The following USE1 variants were observed in gnomAD, a reference collection of about 807,000 sequenced individuals.
USE1 encodes vesicle transport protein USE1.
In USE1, 32 loss-of-function variants were observed where a neutral mutation model predicts 37.6. The observed-to-expected ratio is 0.85, with a 90% CI of 0.64 to 1.14. The LOEUF (loss-of-function observed/expected upper bound fraction) is 1.14. Ranked by LOEUF, USE1 falls within the 50% of genes most tolerant of loss-of-function variation. The pLI is 0.00. For synonymous variants in USE1, 149 were observed against 137.6 expected (o/e 1.08, Z -0.58); for missense variants, 310 against 332.2 (o/e 0.93, Z 0.52).
At chr19:17,218,565 C>T (rs544877400) in intron 6 of USE1, 174 bp downstream of exon 6, 2 of 728,578 alleles carry the variant, frequency 2.7e-6, no homozygotes, top group Admixed American at 3.2e-5. Flanking sequence ...GTGGCTCACG[C>T]CTGTAATCCC....
At position 17,215,427 on chromosome 19, in the gene USE1, C is replaced by T. The variant is rs756846424; in HGVS notation, c.22C>T (p.Leu8=). The T allele has an allele frequency of 5.1e-6, 8 of 1,561,264 alleles. No homozygotes were observed. The highest frequency in any genetic ancestry group is 1.7e-4 in the Middle Eastern group (1 of 5,962). The change falls in exon 1 of 8, where the codon CTA becomes TTA. Residue 8 remains leucine, a synonymous_variant. Transcript: ENST00000263897. MAASRLE[L]NLVRLLSRCE... is the part of the protein sequence containing the mutation. ...GATAATGGCGGCGTCGAGGCTGGAG[C>T]TAAACCTGGTGCGGCTGCTATCCCG...
intron 2 of USE1, 53 bp downstream of exon 2, chr19:17,215,904 G>A (rs2073286978): frequency 1.3e-6 from 2 of 1,589,936 alleles, no homozygotes; most frequent in Non-Finnish European, 1.7e-6. Flanking sequence ...TGTGCTACTG[G>A]ACATCCCAGT....
At position 17,215,976 on chromosome 19, in the gene USE1, TCTTCCTGC is replaced by T; in HGVS notation, c.153-10_153-3del. ...GACCATGGACAGGTTTTGTTTTTCT[TCTTCCTGC>T]CTTCCAGCAAACCGGCCTCTGAGGT... On this transcript the variant is annotated splice_polypyrimidine_tract_variant and splice_region_variant and intron_variant, in intron 2 of 7. Transcript: ENST00000263897. 6.3e-7 allele frequency: 1 copy of T among 1,593,762 alleles called. No homozygotes were observed.
intron 4 of USE1, among the ~76,000 whole-genome samples, chr19:17,216,850 C>T (rs2073293648): frequency 2.0e-5 from 3 of 152,092 alleles, no homozygotes; most frequent in Non-Finnish European, 4.4e-5. Flanking sequence ...TGGTGGCTCA[C>T]GCCTGTAATC....
In USE1 at chr19:17,219,790, C is replaced by A; in HGVS notation, c.757C>A (p.Arg253=). ...FIFISMILFI[R]IMPKLK The stretch of plus-strand genomic sequence containing the variant: ...CTTCATTAGCATGATCCTCTTCATT[C>A]GAATCATGCCTAAACTCAAATAAAG... Residue 253 remains arginine (R), a synonymous_variant, in exon 8 of 8, where the codon CGA becomes AGA. Coordinates refer to ENST00000263897, the MANE Select transcript of USE1 (RefSeq NM_018467.4). 1 of 1,600,538 alleles carries A rather than the reference C, an allele frequency of 6.2e-7. No homozygotes were observed. Among genetic ancestry groups the A allele is most frequent in the East Asian group, 2.2e-5 (1 of 44,594 alleles).
At chr19:17,215,734 G>A in intron 1 of USE1, 68 bp from the exon 2 acceptor site, 1 of 555,794 alleles carries the variant, frequency 1.8e-6, no homozygotes, top group South Asian at 2.0e-5. Context: ...TGTCGGCCCC[G>A]CCCCCCCGAC....
At chr19:17,218,016 A>C (rs990508874) in intron 5 of USE1, 5 of 347,688 alleles carry the variant, frequency 1.4e-5, no homozygotes, top group Non-Finnish European at 2.8e-5. Context: ...CCTGGGAGGT[A>C]GAGGTTGCAG....
chr19:17,215,928 C>T, intron 2 of USE1, 64 bp from the exon 3 acceptor site: 1 of 1,583,112 alleles, frequency 6.3e-7, no homozygotes, highest in South Asian at 1.1e-5. Context: ...GCTATCCCAG[C>T]TGGGACCCTT....
At chr19:17,215,692 C>A in intron 1 of USE1, 110 bp from the exon 2 acceptor site, 2 of 731,372 alleles carry the variant, frequency 2.7e-6, no homozygotes, top group Non-Finnish European at 4.2e-6. Context: ...CCCCCACTGG[C>A]CCCGCCTCCT....
intron 5 of USE1, chr19:17,217,849 T>C (rs1599440043): frequency 2.7e-6 from 1 of 371,470 alleles, no homozygotes; most frequent in East Asian, 7.2e-5. Context: ...GAGGTGGAGG[T>C]TGCAATGAGC....
Position 17,216,170 on chromosome 19 carries a change from C to T in USE1, c.233C>T (p.Thr78Ile), listed in dbSNP as rs1230282973. Residue 78 changes from threonine (T) to isoleucine (I), a missense_variant and splice_region_variant, in exon 4 of 8, where the codon ACC (threonine) becomes ATC (isoleucine). Physicochemically the swap from Thr to Ile is moderately conservative, Grantham distance 89. Coordinates refer to ENST00000263897, the MANE Select transcript of USE1 (RefSeq NM_018467.4). ...ACTTATCTTCCCACATTTCTGCAGA[C>T]CTCCTCCTCAGAGAAAGCACTGGCC... is the stretch of plus-strand genomic sequence containing the variant. ...LKGMLQAEKL[T>I]SSSEKALANQ... The T allele has an allele frequency of 6.2e-7, 1 of 1,612,876 alleles. No individual in the cohort carries two copies. Among genetic ancestry groups the T allele is most frequent in the South Asian group, 1.1e-5 (1 of 91,084 alleles).
intron 1 of USE1, 100 bp downstream of exon 1, chr19:17,215,607 CG>C: frequency 7.0e-7 from 1 of 1,429,724 alleles, no homozygotes; most frequent in Non-Finnish European, 9.4e-7. Flanking sequence ...AGTAGCCTCT[CG>C]GGCAGCGCCC....
In USE1 at chr19:17,219,312, A is replaced by G; in HGVS notation, c.522A>G (p.Glu174=). ...AGAACCTCCAGGAAAAGCTGGCGGA[A>G]GAGATGCTAGGACTGGCCCGGAGCC... ...RHQNLQEKLA[E]EMLGLARSLK... Residue 174 remains glutamate, a synonymous_variant, in exon 7 of 8, where the codon GAA becomes GAG. Transcript: ENST00000263897. 6.2e-7 allele frequency: 1 copy of G among 1,610,854 alleles called. No individual in the cohort carries two copies.
chr19:17,215,487 G>A lies in USE1; in HGVS notation c.82G>A (p.Asp28Asn), dbSNP rs1466238386. ...EAMAAEKRDP[D>N]EWRLEKYVGA... ...GATGGCAGCGGAGAAACGGGACCCG[G>A]ACGAGTGGCGCCTGGAGAAGGTGAG... The change falls in exon 1 of 8, where the codon GAC (aspartate) becomes AAC (asparagine). Residue 28 changes from aspartate to asparagine, a missense_variant. Coordinates refer to ENST00000263897, the MANE Select transcript of USE1 (RefSeq NM_018467.4). 2 of 1,561,788 alleles carry A rather than the reference G, an allele frequency of 1.3e-6. No individual in the cohort carries two copies. The highest frequency in any genetic ancestry group is 1.7e-6 in the Non-Finnish European group (2 of 1,154,518).
Position 17,215,507 on chromosome 19 carries a change from G to A in USE1, c.102G>A (p.Lys34=), listed in dbSNP as rs764034313. The A allele has an allele frequency of 1.6e-5, 25 of 1,557,262 alleles. No homozygotes were observed. In the African/African-American group the frequency reaches 2.6e-4, roughly 16 times the overall value. ...ACCCGGACGAGTGGCGCCTGGAGAA[G>A]GTGAGGGGATCTCGCACTGCCGCGT... ...KRDPDEWRLE[K]YVGALEDMLQ... The change falls in exon 1 of 8, where the codon AAG becomes AAA. Residue 34 remains lysine (K), a splice_region_variant and synonymous_variant. Coordinates refer to ENST00000263897, the MANE Select transcript of USE1 (RefSeq NM_018467.4).
intron 1 of USE1, 65 bp from the exon 2 acceptor site, chr19:17,215,737 C>T: frequency 8.1e-7 from 1 of 1,237,834 alleles, no homozygotes; most frequent in Non-Finnish European, 1.2e-6. Flanking sequence ...CGGCCCCGCC[C>T]CCCCGACTCC....
chr19:17,217,626 C>T (rs1046333287), intron 5 of USE1, 164 bp downstream of exon 5: 14 of 1,057,264 alleles, frequency 1.3e-5, no homozygotes, highest in Admixed American at 6.2e-5. Flanking sequence ...GAAATGGCCC[C>T]GAGAGGAAAC....
In USE1 at chr19:17,219,205, G is replaced by C. The variant is rs1290936791; in HGVS notation, c.423-8G>C. 6.2e-7 allele frequency: 1 copy of C among 1,609,148 alleles called. No individual in the cohort carries two copies. The highest frequency in any genetic ancestry group is 2.2e-5 in the East Asian group (1 of 44,728). ...CTCATGTCCTCCTCCCCCCGTGTGT[G>C]AAATCAGTGGAGTGGCAGGGTCCCA... is the stretch of plus-strand genomic sequence containing the variant. On this transcript the variant is annotated splice_polypyrimidine_tract_variant and splice_region_variant and intron_variant, in intron 6 of 7. Coordinates refer to ENST00000263897, the MANE Select transcript of USE1 (RefSeq NM_018467.4).
At chr19:17,219,032 C>T (rs532839014) in intron 6 of USE1, among the ~76,000 whole-genome samples, 181 bp from the exon 7 acceptor site, 17 of 150,664 alleles carry the variant, frequency 1.1e-4, no homozygotes, top group Non-Finnish European at 2.1e-4. Flanking sequence ...GAGACTGAGG[C>T]AGGAGAATTG....
Sources: allele counts gnomAD v4.1 joint callset (sites outside exome capture counted in the v4.1 genomes callset), GRCh38; gene constraint gnomAD v4.1.1; transcripts MANE v1.5; gene names NCBI Gene and HGNC (gene_info 2026-07-23, HGNC 2026-07-21).